Variants in CDK6 observed in about 807,000 individuals in gnomAD.
CDK6 encodes the protein cyclin dependent kinase 6.
CDK6 carries 6 observed loss-of-function variants against 37.1 expected under a neutral mutation model. That is an observed-to-expected ratio of 0.16 (90% CI 0.09 to 0.32). The LOEUF (loss-of-function observed/expected upper bound fraction) is 0.32. Ranked by LOEUF, CDK6 falls within the 10% of genes least tolerant of loss-of-function variation. The probability of loss-of-function intolerance (pLI) is 1.00; values close to 1 mark genes in which losing one functional copy is unlikely to be tolerated. For synonymous variants in CDK6, 160 were observed against 161.3 expected (o/e 0.99, Z 0.06); for missense variants, 224 against 418.9 (o/e 0.53, Z 4.06).
At position 92,686,183 on chromosome 7, in the gene CDK6, A is replaced by C. The variant is rs146474060; in HGVS notation, c.538-14648T>G. Among the ~76,000 whole-genome samples, 305 of 152,300 alleles carry C rather than the reference A, an allele frequency of 2.0e-3. 2 individuals carry two copies. Among genetic ancestry groups the C allele is most frequent in the African/African-American group, 6.9e-3 (286 of 41,574 alleles). On this transcript the variant is annotated intron_variant, in intron 4 of 7. Coordinates refer to ENST00000424848, the MANE Select transcript of CDK6 (RefSeq NM_001145306.2). ...CATTTATGTATTTATTTATTTTTGTACATGAGTAAGTTCTTTAGCGGTGAT... is the reference window on the plus strand; with the variant it reads ...CATTTATGTATTTATTTATTTTTGTCCATGAGTAAGTTCTTTAGCGGTGAT...
rs540539602 is a variant in CDK6, at chr7:92,606,223, A to T, written c.*8917T>A. On this transcript the variant is annotated 3_prime_UTR_variant, in exon 8 of 8. Transcript: ENST00000424848. ...TAGTTTTTCTCTTGGTACCACAGCC[A>T]AAACTGAATGCTCTGTACAATGACT... 1 of 233,406 alleles carries T rather than the reference A, an allele frequency of 4.3e-6. No individual in the cohort carries two copies. Among genetic ancestry groups the T allele is most frequent in the Non-Finnish European group, 8.5e-6 (1 of 117,926 alleles). The allele number at this position is 233,406 out of a possible 1,614,324, so 14.5% of individuals were successfully genotyped here.
At chr7:92,716,087 C>T (rs960569034) in intron 4 of CDK6, among the ~76,000 whole-genome samples, 5 of 151,974 alleles carry the variant, frequency 3.3e-5, no homozygotes, top group Non-Finnish European at 4.4e-5. Flanking sequence ...GTGACGCAGG[C>T]AATTGGGAAG....
chr7:92,625,554 A>G (rs934130678), intron 5 of CDK6, among the ~76,000 whole-genome samples: 7 of 148,906 alleles, frequency 4.7e-5, no homozygotes, highest in African/African-American at 1.8e-4. Context: ...AAACAAAACA[A>G]AACAAAACAA....
At chr7:92,806,864 C>T (rs1800738320) in intron 2 of CDK6, among the ~76,000 whole-genome samples, 1 of 152,084 alleles carries the variant, frequency 6.6e-6, no homozygotes, top group South Asian at 2.1e-4. Context: ...ATTTTTCTAC[C>T]GTAAGACCAT....
At chr7:92,783,307 T>A (rs977052979) in intron 2 of CDK6, among the ~76,000 whole-genome samples, 3 of 152,226 alleles carry the variant, frequency 2.0e-5, no homozygotes, top group African/African-American at 7.2e-5. Flanking sequence ...GTGCAAGGTG[T>A]GTTCTCCTGA....
chr7:92,780,040 G>A (rs1312887799), intron 2 of CDK6, among the ~76,000 whole-genome samples: 3 of 152,156 alleles, frequency 2.0e-5, no homozygotes, highest in African/African-American at 7.2e-5. Flanking sequence ...GTGCAGTGGT[G>A]CAATCTTGGC....
chr7:92,608,572 CTG>C lies in CDK6; in HGVS notation c.*6566_*6567del, dbSNP rs1204028334. 4.7e-5 allele frequency: 11 copies of C among 232,130 alleles called. No individual in the cohort carries two copies. Among genetic ancestry groups the C allele is most frequent in the Non-Finnish European group, 9.4e-5 (11 of 117,416 alleles). The allele number at this position is 232,130 out of a possible 1,614,324, so 14.4% of individuals were successfully genotyped here. ...AAAAAAACAAAAACAAAAACAAAAA[CTG>C]AGCTTAGCGCCTGAGAGATGCGGGG... On this transcript the variant is annotated 3_prime_UTR_variant, in exon 8 of 8. Coordinates refer to ENST00000424848, the MANE Select transcript of CDK6 (RefSeq NM_001145306.2).
rs2116485030 is a variant in CDK6, at chr7:92,618,204, C to T, written c.702G>A (p.Val234=). 2 of 1,613,972 alleles carry T rather than the reference C, an allele frequency of 1.2e-6. No individual in the cohort carries two copies. The highest frequency in any genetic ancestry group is 8.5e-7 in the Non-Finnish European group (1 of 1,179,914). The stretch of plus-strand genomic sequence containing the variant: ...AGTCTTCTTCTCCTGGGAGTCCAAT[C>T]ACGCTACAAAAGAACCACACATGGA... ...DVDQLGKILD[V]IGLPGEEDWP... The change falls in exon 7 of 8, where the codon GTG becomes GTA. Residue 234 remains valine, a synonymous_variant. Transcript: ENST00000424848.
At chr7:92,751,204 C>T (rs558393701) in intron 3 of CDK6, among the ~76,000 whole-genome samples, 1 of 152,116 alleles carries the variant, frequency 6.6e-6, no homozygotes, top group East Asian at 1.9e-4. Context: ...TTCCTTTGTT[C>T]TCAAATAAAG....
intron 2 of CDK6, among the ~76,000 whole-genome samples, chr7:92,775,568 A>G (rs1265357215): frequency 6.6e-6 from 1 of 152,190 alleles, no homozygotes; most frequent in Admixed American, 6.5e-5. Context: ...TCTTAAAATA[A>G]GACAAAATTT....
At chr7:92,721,909 T>C (rs1798378375) in intron 4 of CDK6, among the ~76,000 whole-genome samples, 1 of 152,224 alleles carries the variant, frequency 6.6e-6, no homozygotes, top group Admixed American at 6.5e-5. Context: ...CTGGAAAGCT[T>C]ACCTGTCTAG....
intron 3 of CDK6, among the ~76,000 whole-genome samples, chr7:92,766,748 C>T (rs767589062): frequency 1.6e-4 from 24 of 152,288 alleles, no homozygotes; most frequent in South Asian, 6.2e-4. Context: ...GTGATATAAA[C>T]GGGTATATAC....
At chr7:92,633,671 A>G (rs1243001340) in intron 5 of CDK6, among the ~76,000 whole-genome samples, 1 of 144,676 alleles carries the variant, frequency 6.9e-6, no homozygotes, top group Non-Finnish European at 1.5e-5. Context: ...GTTTCATTTT[A>G]GGAAATGGAA....
At chr7:92,712,867 TATGTATGTATG>T (rs1562943826) in intron 4 of CDK6, among the ~76,000 whole-genome samples, 10 of 151,648 alleles carry the variant, frequency 6.6e-5, no homozygotes, top group South Asian at 4.2e-4. Context: ...TGTATGTATG[TATGTATGTATG>T]TATTTATTTA....
intron 2 of CDK6, among the ~76,000 whole-genome samples, chr7:92,817,290 T>C (rs1459580161): frequency 6.6e-6 from 1 of 151,910 alleles, no homozygotes; most frequent in Non-Finnish European, 1.5e-5. Context: ...TTTAGCAATA[T>C]ATAAAAAGGC....
chr7:92,618,028 C>T (rs2116483507), intron 7 of CDK6, 44 bp downstream of exon 7: 1 of 1,602,324 alleles, frequency 6.2e-7, no homozygotes, highest in Non-Finnish European at 8.5e-7. Context: ...GAGCAGGTGT[C>T]TCACTGGCAC....
intron 2 of CDK6, among the ~76,000 whole-genome samples, chr7:92,785,424 T>G (rs764732482): frequency 6.6e-6 from 1 of 152,164 alleles, no homozygotes; most frequent in African/African-American, 2.4e-5. Flanking sequence ...TAATGTGTAC[T>G]GGGTTTCTTC....
intron 2 of CDK6, among the ~76,000 whole-genome samples, chr7:92,789,533 G>T (rs1800229728): frequency 6.6e-6 from 1 of 152,174 alleles, no homozygotes; most frequent in Non-Finnish European, 1.5e-5. Context: ...GAACTGTACA[G>T]AAAAAAGTTT....
At chr7:92,650,217 C>T (rs1796541717) in intron 5 of CDK6, among the ~76,000 whole-genome samples, 1 of 152,180 alleles carries the variant, frequency 6.6e-6, no homozygotes. Context: ...TACACAGATA[C>T]ATACACACTC....
Sources: allele counts gnomAD v4.1 joint callset (sites outside exome capture counted in the v4.1 genomes callset), GRCh38; gene constraint gnomAD v4.1.1; transcripts MANE v1.5; gene names NCBI Gene and HGNC (gene_info 2026-07-23, HGNC 2026-07-21).